Variants in EPB41L4A observed in about 807,000 individuals in gnomAD.
EPB41L4A encodes the protein band 4.1-like protein 4A.
Under a neutral mutation model 108.6 loss-of-function variants are expected in EPB41L4A, and 100 were observed. The observed-to-expected ratio is 0.92, with a 90% confidence interval of 0.78 to 1.09. The LOEUF is 1.09. Among genes scored for constraint, EPB41L4A ranks in the 50% least tolerant of loss-of-function variants. EPB41L4A has a pLI of 0.00. For synonymous variants in EPB41L4A, 319 were observed against 289.0 expected (o/e 1.10, Z -1.05); for missense variants, 1,030 against 842.7 (o/e 1.22, Z -2.75).
chr5:112,202,323 A>T (rs1056704575), intron 15 of EPB41L4A, among the ~76,000 whole-genome samples: 1 of 152,240 alleles, frequency 6.6e-6, no homozygotes, highest in East Asian at 1.9e-4. Context: ...TCTCCAGGTA[A>T]CACCCACTTC....
At chr5:112,362,432 T>C (rs393096) in intron 1 of EPB41L4A, among the ~76,000 whole-genome samples, 125,535 of 151,904 alleles carry the variant, frequency 0.83, 51,918 homozygotes, top group South Asian at 0.93. Context: ...AGGTATGCGC[T>C]GCTGCGCCAA....
At position 112,163,817 on chromosome 5, in the gene EPB41L4A, A is replaced by C. The variant is rs1212130867; in HGVS notation, c.*1173T>G. On this transcript the variant is annotated 3_prime_UTR_variant, in exon 23 of 23. Coordinates refer to ENST00000261486, the MANE Select transcript of EPB41L4A (RefSeq NM_022140.5). ...TTAAATTTAAAACCAAGTAGCAAGG[A>C]TCTAGCTGAGAGAATAATTGAATAC... The C allele has an allele frequency of 6.6e-6, 1 of 152,194 alleles. No homozygotes were observed. Among genetic ancestry groups the C allele is most frequent in the Non-Finnish European group, 1.5e-5 (1 of 68,054 alleles). The allele number at this position is 152,194 out of a possible 1,614,324, so 9.4% of individuals were successfully genotyped here.
At chr5:112,395,041 T>C (rs1220942737) in intron 1 of EPB41L4A, among the ~76,000 whole-genome samples, 1 of 152,200 alleles carries the variant, frequency 6.6e-6, no homozygotes, top group African/African-American at 2.4e-5. Context: ...TGGCTAGCCA[T>C]ATGTAGAAAG....
intron 1 of EPB41L4A, among the ~76,000 whole-genome samples, chr5:112,384,651 C>T (rs1017804810): frequency 1.4e-5 from 2 of 147,690 alleles, no homozygotes; most frequent in Non-Finnish European, 3.0e-5. Flanking sequence ...AAGATGAGTA[C>T]CTGTCAAAAT....
At chr5:112,255,803 C>T (rs1751044673) in intron 9 of EPB41L4A, among the ~76,000 whole-genome samples, 1 of 152,132 alleles carries the variant, frequency 6.6e-6, no homozygotes, top group South Asian at 2.1e-4. Flanking sequence ...ACATAGCTCA[C>T]TTCTTATTTA....
In EPB41L4A at chr5:112,186,841, A is replaced by G. The variant is rs115878931; in HGVS notation, c.1503-2706T>C. ...ACAGGTGCTACTTGGAAAGAAAAAAATCCTAGCCCTAGAAGCAAGAATATT... is the reference window on the plus strand; with the variant it reads ...ACAGGTGCTACTTGGAAAGAAAAAAGTCCTAGCCCTAGAAGCAAGAATATT... On this transcript the variant is annotated intron_variant, in intron 17 of 22. Coordinates refer to ENST00000261486, the MANE Select transcript of EPB41L4A (RefSeq NM_022140.5). Among the ~76,000 whole-genome samples, 876 of 152,336 alleles carry G rather than the reference A, an allele frequency of 5.8e-3. 12 individuals are homozygous for G. Among genetic ancestry groups the G allele is most frequent in the African/African-American group, 0.02 (839 of 41,572 alleles).
At chr5:112,194,783 C>T (rs17134224) in intron 16 of EPB41L4A, 138 bp from the exon 17 acceptor site, 14,182 of 531,642 alleles carry the variant, frequency 0.027, 693 homozygotes, top group African/African-American at 0.15. Context: ...CTGTATTATC[C>T]CTCTCCAAGT....
chr5:112,288,761 A>G (rs1753451806), intron 2 of EPB41L4A, among the ~76,000 whole-genome samples: 1 of 152,148 alleles, frequency 6.6e-6, no homozygotes, highest in Non-Finnish European at 1.5e-5. Flanking sequence ...TTCAGATCAA[A>G]AGGAACTGTA....
At chr5:112,409,091 C>T (rs555209694) in intron 1 of EPB41L4A, among the ~76,000 whole-genome samples, 65 of 152,142 alleles carry the variant, frequency 4.3e-4, no homozygotes, top group African/African-American at 1.5e-3. Flanking sequence ...AAAAGACCAT[C>T]GACTGATGAA....
At position 112,394,082 on chromosome 5, in the gene EPB41L4A, A is replaced by T. The variant is rs369321528; in HGVS notation, c.99+24859T>A. Among the ~76,000 whole-genome samples the T allele has an allele frequency of 5.9e-5, 9 of 152,330 alleles. No homozygotes were observed. The South Asian group carries it at 1.0e-3, about 18-fold the overall frequency. Reference sequence around the variant, plus strand: ...TCTCAATAAACTAGGTATTGATAGGATGTAACTCAAAATAATAAGAGCTAT... The same window carrying T: ...TCTCAATAAACTAGGTATTGATAGGTTGTAACTCAAAATAATAAGAGCTAT... On this transcript the variant is annotated intron_variant, in intron 1 of 22. Transcript: ENST00000261486.
At chr5:112,333,149 T>C (rs1756673584) in intron 1 of EPB41L4A, among the ~76,000 whole-genome samples, 1 of 152,212 alleles carries the variant, frequency 6.6e-6, no homozygotes, top group African/African-American at 2.4e-5. Context: ...CGGTTTAAAA[T>C]GGAGGCACCC....
At chr5:112,411,796 C>G (rs764158858) in intron 1 of EPB41L4A, among the ~76,000 whole-genome samples, 1 of 152,106 alleles carries the variant, frequency 6.6e-6, no homozygotes, top group African/African-American at 2.4e-5. Flanking sequence ...TCAGGAGCAG[C>G]GAGGATGGCA....
At chr5:112,243,292 TTTTG>T (rs762346898) in intron 9 of EPB41L4A, among the ~76,000 whole-genome samples, 46 of 147,366 alleles carry the variant, frequency 3.1e-4, no homozygotes, top group East Asian at 1.2e-3. Context: ...TATATATATA[TTTTG>T]TTTGTTTGTT....
chr5:112,145,848 G>C (rs1405728428), intron 13 of EPB41L4A: 1 of 450,344 alleles, frequency 2.2e-6, no homozygotes, highest in Non-Finnish European at 4.5e-6. Context: ...AATAGCTATT[G>C]AGACAATTAT....
intron 22 of EPB41L4A, among the ~76,000 whole-genome samples, chr5:112,166,590 C>T (rs1760264536): frequency 1.3e-5 from 2 of 149,444 alleles, no homozygotes; most frequent in African/African-American, 5.0e-5. Flanking sequence ...GGCCTCTGAC[C>T]ACCCTAAACA....
At chr5:112,155,769 A>C (rs1245194288) in intron 12 of EPB41L4A, among the ~76,000 whole-genome samples, 1 of 152,182 alleles carries the variant, frequency 6.6e-6, no homozygotes, top group Admixed American at 6.5e-5. Flanking sequence ...CCAGGAAGCA[A>C]ATTTAATATA....
chr5:112,167,583 T>G (rs961084610), intron 22 of EPB41L4A, among the ~76,000 whole-genome samples: 2 of 152,142 alleles, frequency 1.3e-5, no homozygotes, highest in Admixed American at 6.5e-5. Flanking sequence ...ACCCAGTGAC[T>G]TCTATGGGGT....
At chr5:112,369,222 A>G (rs1307647557) in intron 1 of EPB41L4A, among the ~76,000 whole-genome samples, 1 of 152,058 alleles carries the variant, frequency 6.6e-6, no homozygotes, top group African/African-American at 2.4e-5. Context: ...TACCTCCTAA[A>G]TGCTTTTGAC....
intron 12 of EPB41L4A, among the ~76,000 whole-genome samples, chr5:112,153,582 G>T (rs200988469): frequency 0.18 from 25,660 of 142,868 alleles, 2,391 homozygotes; most frequent in East Asian, 0.32. Flanking sequence ...TATATAGAGA[G>T]AGAGAGAGAG....
Sources: allele counts gnomAD v4.1 joint callset (sites outside exome capture counted in the v4.1 genomes callset), GRCh38; gene constraint gnomAD v4.1.1; transcripts MANE v1.5; gene names NCBI Gene and HGNC (gene_info 2026-07-23, HGNC 2026-07-21).